The following ZFY variants were observed in gnomAD, a reference collection of about 807,000 sequenced individuals.
ZFY encodes the protein zinc finger protein Y-linked.
For missense variants in ZFY, 113 were observed against 170.9 expected, an observed-to-expected ratio of 0.66 and a Z score of 1.89; for synonymous variants, 47 against 55.8, an observed-to-expected ratio of 0.84 and a Z score of 0.71.
intron 1 of ZFY, among the ~76,000 whole-genome samples, chrY:2,946,014 T>A (rs957841276): frequency 1.2e-4 from 4 of 34,062 alleles, no homozygotes; most frequent in Admixed American, 5.3e-4. Flanking sequence ...ATGCCTTTTT[T>A]AAAAATCTTT....
At chrY:2,944,118 AG>A (rs2051254578) in intron 1 of ZFY, among the ~76,000 whole-genome samples, 1 of 33,600 alleles carries the variant, frequency 3.0e-5, no homozygotes, top group African/African-American at 1.2e-4. Flanking sequence ...TGGTATATAA[AG>A]GCTCATGCTA....
In ZFY at chrY:2,935,603, G is replaced by A; in HGVS notation, c.-195G>A. On this transcript the variant is annotated 5_prime_UTR_variant, in exon 1 of 8. It adds an upstream start codon to the 5' untranslated region. Coordinates refer to ENST00000155093, the MANE Select transcript of ZFY (RefSeq NM_003411.4). ...CCCGAGGAGGCCGCAGTTAGGCCTA[G>A]TGATTATCCAGTTGCCCTGAGCGGC... 2.8e-5 allele frequency: 1 copy of A among 35,831 alleles called. No individual in the cohort carries two copies. Among genetic ancestry groups the A allele is most frequent in the African/African-American group, 1.1e-4 (1 of 9,152 alleles). The allele number at this position is 35,831 out of a possible 400,897, so 8.9% of individuals were successfully genotyped here.
chrY:2,955,516 A>G, intron 2 of ZFY, among the ~76,000 whole-genome samples: 2 of 34,315 alleles, frequency 5.8e-5, no homozygotes, highest in Non-Finnish European at 1.5e-4. Context: ...CAGCTGGACA[A>G]ACTCCCATTA....
At chrY:2,962,063 G>A in intron 3 of ZFY, among the ~76,000 whole-genome samples, 1 of 31,811 alleles carries the variant, frequency 3.1e-5, no homozygotes, top group Non-Finnish European at 7.7e-5. Flanking sequence ...ATGATTTTTT[G>A]TTGTTGTTTA....
chrY:2,961,896 T>C, intron 3 of ZFY, among the ~76,000 whole-genome samples: 1 of 33,117 alleles, frequency 3.0e-5, no homozygotes, highest in Non-Finnish European at 7.5e-5. Context: ...AATAACAGAA[T>C]TGAGTCTTAT....
intron 1 of ZFY, among the ~76,000 whole-genome samples, chrY:2,936,489 C>T: frequency 3.0e-5 from 1 of 33,669 alleles, no homozygotes; most frequent in East Asian, 7.7e-4. Flanking sequence ...TTATACAGCA[C>T]GAGGGCAGAG....
intron 1 of ZFY, among the ~76,000 whole-genome samples, chrY:2,937,231 G>C: frequency 3.1e-5 from 1 of 31,838 alleles, no homozygotes; most frequent in African/African-American, 1.3e-4. Flanking sequence ...TTGGCCAGGT[G>C]CGGTGACTCA....
In ZFY at chrY:2,981,117, G is replaced by T; in HGVS notation, c.*1124G>T. The T allele has an allele frequency of 3.0e-5, 1 of 32,988 alleles. No homozygotes were observed. The highest frequency in any genetic ancestry group is 7.5e-5 in the Non-Finnish European group (1 of 13,314). 8.2% of individuals were successfully genotyped at this position (32,988 alleles called of 400,897 possible). On this transcript the variant is annotated 3_prime_UTR_variant, in exon 8 of 8. Transcript: ENST00000155093. ...CATAGATTTCATAGTATTTTTCTGA[G>T]AATCCTGTGAAGGAACGCTGTCTCT...
intron 1 of ZFY, among the ~76,000 whole-genome samples, chrY:2,948,947 C>G: frequency 3.1e-5 from 1 of 32,781 alleles, no homozygotes; most frequent in Non-Finnish European, 7.5e-5. Context: ...CTCCTAGGCT[C>G]AAGCCATTCT....
At chrY:2,941,907 C>T in intron 1 of ZFY, among the ~76,000 whole-genome samples, 1 of 31,240 alleles carries the variant, frequency 3.2e-5, no homozygotes, top group Non-Finnish European at 7.7e-5. Context: ...TGAGCTTCCC[C>T]GCTTGCCCAC....
chrY:2,977,832 A>T, intron 6 of ZFY, 108 bp from the exon 7 acceptor site: 1 of 120,461 alleles, frequency 8.3e-6, no homozygotes, highest in Non-Finnish European at 1.4e-5. Context: ...TAAAGTAAGG[A>T]CTTTCTGTCA....
intron 3 of ZFY, among the ~76,000 whole-genome samples, chrY:2,964,132 A>C: frequency 8.9e-5 from 3 of 33,633 alleles, no homozygotes; most frequent in Non-Finnish European, 1.5e-4. Flanking sequence ...AAATGTATTT[A>C]GAAAATCTTA....
rs2051323971 is a variant in ZFY at position 2,965,307 on chromosome Y, A to AT, written c.634+3670dup. Reference sequence around the variant, plus strand: ...GTGCTGCGCCACCACAGCCCAGCTAATTTTTTTTTAATTTTTTTTTAATTT... The same window carrying AT: ...GTGCTGCGCCACCACAGCCCAGCTAATTTTTTTTTTAATTTTTTTTTAATTT... On this transcript the variant is annotated intron_variant, in intron 3 of 7. Transcript: ENST00000155093. Among the ~76,000 whole-genome samples the AT allele has an allele frequency of 1.0e-4, 3 of 29,707 alleles. No individual in the cohort carries two copies. In the East Asian group the frequency reaches 2.6e-3, roughly 26 times the overall value. The allele number at this position is 29,707 out of a possible 37,273, so 79.7% of individuals were successfully genotyped here. A position where few individuals can be genotyped will look rare whatever the true frequency, so the allele number is the denominator to read the frequency against.
In ZFY at chrY:2,942,325, ATTTTTTTTTTTTT is replaced by A. The variant is rs745651931; in HGVS notation, c.-29+6567_-29+6579del. Among the ~76,000 whole-genome samples, 3 of 5,201 alleles carry A rather than the reference ATTTTTTTTTTTTT, an allele frequency of 5.8e-4. No individual in the cohort carries two copies. In the East Asian group the frequency reaches 8.4e-3, roughly 15 times the overall value. 14.0% of individuals were successfully genotyped at this position (5,201 alleles called of 37,273 possible). A position where few individuals can be genotyped will look rare whatever the true frequency, so the allele number is the denominator to read the frequency against. On this transcript the variant is annotated intron_variant, in intron 1 of 7. Transcript: ENST00000155093. ...GGAACTTCACAAATTTGCAATTTGCATTTTTTTTTTTTTTTTTTTTTTTGAGACGGGGCCTCTC... is the reference window on the plus strand; with the variant it reads ...GGAACTTCACAAATTTGCAATTTGCATTTTTTTTTTGAGACGGGGCCTCTC...
chrY:2,981,801 T>C lies in ZFY; in HGVS notation c.*1808T>C, dbSNP rs572835145. On this transcript the variant is annotated 3_prime_UTR_variant, in exon 8 of 8. Transcript: ENST00000155093. Reference sequence around the variant, plus strand: ...AAAACCATGTAATGGATTTTAAGAATCTGTTAGGCCTTCTTAGCCTTTATA... The same window carrying C: ...AAAACCATGTAATGGATTTTAAGAACCTGTTAGGCCTTCTTAGCCTTTATA... 7.4e-4 allele frequency: 25 copies of C among 33,581 alleles called. No homozygotes were observed. The highest frequency in any genetic ancestry group is 2.9e-3 in the African/African-American group (25 of 8,685). The allele number at this position is 33,581 out of a possible 400,897, so 8.4% of individuals were successfully genotyped here.
intron 2 of ZFY, among the ~76,000 whole-genome samples, chrY:2,960,197 C>T (rs2051304563): frequency 3.1e-5 from 1 of 32,237 alleles, no homozygotes; most frequent in Non-Finnish European, 7.5e-5. Flanking sequence ...CATTGCTTAA[C>T]TGCACCCAGC....
chrY:2,975,173 A>C lies in ZFY; in HGVS notation c.713A>C (p.Lys238Thr). The C allele has an allele frequency of 2.5e-6, 1 of 396,276 alleles. No individual in the cohort carries two copies. The highest frequency in any genetic ancestry group is 3.5e-6 in the Non-Finnish European group (1 of 282,814). The change falls in exon 4 of 8, where the codon AAA becomes ACA. Residue 238 changes from lysine (K) to threonine (T), a missense_variant. Transcript: ENST00000155093. ...IDAESEMDPC[K>T]VDSTCPEVIK... ...GCAGAATCAGAAATGGATCCTTGTA[A>C]AGTGGATAGCACTTGTCCTGAAGTC...
At chrY:2,945,617 C>T in intron 1 of ZFY, among the ~76,000 whole-genome samples, 1 of 31,671 alleles carries the variant, frequency 3.2e-5, no homozygotes, top group African/African-American at 1.2e-4. Flanking sequence ...GCCATCACAC[C>T]GGGCTGATTT....
intron 2 of ZFY, among the ~76,000 whole-genome samples, chrY:2,954,854 G>A: frequency 3.1e-5 from 1 of 32,596 alleles, no homozygotes; most frequent in Admixed American, 2.8e-4. Context: ...GTTCCCTACA[G>A]TTCATCATCC....
Sources: gnomAD v4.1 joint callset for allele counts (sites outside exome capture counted in the v4.1 genomes callset) on GRCh38, gnomAD v4.1.1 for gene constraint, MANE v1.5 for transcripts, NCBI Gene and HGNC (gene_info 2026-07-23, HGNC 2026-07-21) for gene names.